The following GTF3C2 variants were observed in gnomAD, a reference collection of about 807,000 sequenced individuals.
The protein encoded by GTF3C2 is general transcription factor 3C polypeptide 2.
In GTF3C2, 17 loss-of-function variants were observed where a neutral mutation model predicts 117.4. The observed-to-expected ratio is 0.14, with a 90% CI of 0.10 to 0.22. The LOEUF (loss-of-function observed/expected upper bound fraction) is 0.22, where lower values mean the gene tolerates loss of function less well. Ranked by LOEUF, GTF3C2 falls within the 10% of genes least tolerant of loss-of-function variation. The pLI, the probability that GTF3C2 is intolerant of heterozygous loss-of-function variation, is 1.00. For synonymous variants in GTF3C2, 437 were observed against 427.0 expected, an observed-to-expected ratio of 1.02 and a Z score of -0.29; for missense variants, 888 against 1,143.6, an observed-to-expected ratio of 0.78 and a Z score of 3.22.
intron 3 of GTF3C2, 132 bp downstream of exon 3, chr2:27,342,694 G>A (rs2148307750): frequency 1.5e-6 from 1 of 681,052 alleles, no homozygotes; most frequent in Non-Finnish European, 2.6e-6. Context: ...CTAAAGGACT[G>A]CTCAAGTCCC....
chr2:27,345,011 C>T (rs567804673), intron 1 of GTF3C2, among the ~76,000 whole-genome samples: 2 of 149,636 alleles, frequency 1.3e-5, no homozygotes, highest in South Asian at 2.1e-4. Context: ...TGGCCAGGCA[C>T]GATAGCTCAT....
intron 3 of GTF3C2, 97 bp downstream of exon 3, chr2:27,342,729 T>A: frequency 1.1e-6 from 1 of 887,164 alleles, no homozygotes; most frequent in South Asian, 1.6e-5. Flanking sequence ...CACCCCTGCT[T>A]ACCTAATACC....
At chr2:27,347,564 C>T (rs1364189670) in intron 1 of GTF3C2, among the ~76,000 whole-genome samples, 1 of 152,122 alleles carries the variant, frequency 6.6e-6, no homozygotes, top group African/African-American at 2.4e-5. Context: ...CCAAAAGGAC[C>T]TATGCATATA....
intron 15 of GTF3C2, 42 bp downstream of exon 15, chr2:27,328,802 T>C (rs746603861): frequency 3.5e-6 from 5 of 1,430,552 alleles, no homozygotes; most frequent in Non-Finnish European, 4.9e-6. Flanking sequence ...AAATGAGCCA[T>C]TTTCCTTTGT....
chr2:27,333,647 T>C lies in GTF3C2; in HGVS notation c.1732+8A>G. On this transcript the variant is annotated splice_region_variant and intron_variant, in intron 12 of 18. Transcript: ENST00000264720. Reference sequence around the variant, plus strand: ...ATAGTTCCTTATGTTTTATTTTGGTTTTTTTACCATTATAATATCCAGCAG... The same window carrying C: ...ATAGTTCCTTATGTTTTATTTTGGTCTTTTTACCATTATAATATCCAGCAG... The C allele has an allele frequency of 6.3e-7, 1 of 1,593,724 alleles. No homozygotes were observed. The highest frequency in any genetic ancestry group is 2.2e-5 in the East Asian group (1 of 44,816).
chr2:27,327,089 G>A (rs1252048907), intron 18 of GTF3C2, 88 bp downstream of exon 18: 3 of 756,454 alleles, frequency 4.0e-6, no homozygotes, highest in African/African-American at 1.7e-5. Context: ...GTTGTCATCT[G>A]TGTAACCTTT....
chr2:27,326,924 T>G, intron 18 of GTF3C2, 31 bp from the exon 19 acceptor site: 2 of 1,403,998 alleles, frequency 1.4e-6, no homozygotes, highest in Non-Finnish European at 2.0e-6. Flanking sequence ...AAGAGAGAGA[T>G]GCTCATGGGT....
intron 4 of GTF3C2, chr2:27,341,652 G>C (rs1421042972): frequency 5.5e-6 from 2 of 365,306 alleles, no homozygotes; most frequent in Non-Finnish European, 1.0e-5. Context: ...TCACTCCTGG[G>C]GTAGTGCTGA....
intron 4 of GTF3C2, among the ~76,000 whole-genome samples, chr2:27,341,104 C>A (rs2148301719): frequency 6.6e-6 from 1 of 152,214 alleles, no homozygotes; most frequent in Middle Eastern, 3.4e-3. Flanking sequence ...GGCATGATCT[C>A]AGCTCACTGC....
intron 8 of GTF3C2, 53 bp downstream of exon 8, chr2:27,336,145 C>T: frequency 6.8e-7 from 1 of 1,463,530 alleles, no homozygotes; most frequent in Non-Finnish European, 9.6e-7. Flanking sequence ...TGTCCAGACC[C>T]CATCCTGCTG....
intron 4 of GTF3C2, among the ~76,000 whole-genome samples, chr2:27,339,313 G>A (rs191518676): frequency 1.7e-3 from 252 of 151,442 alleles, no homozygotes; most frequent in African/African-American, 5.7e-3. Flanking sequence ...AGGCTGAGGC[G>A]GGAGCATTGC....
chr2:27,350,392 G>GA, intron 1 of GTF3C2: 1 of 984,712 alleles, frequency 1.0e-6, no homozygotes. Context: ...CACTCAAGCT[G>GA]AAAAACACTT....
In GTF3C2 at chr2:27,337,912, TC is replaced by T. The variant is rs768065432; in HGVS notation, c.950+13del. 6.7e-6 allele frequency: 10 copies of T among 1,496,044 alleles called. No homozygotes were observed. Among genetic ancestry groups the T allele is most frequent in the Non-Finnish European group, 9.3e-6 (10 of 1,072,274 alleles). 92.7% of individuals were successfully genotyped at this position (1,496,044 alleles called of 1,614,324 possible). A position where few individuals can be genotyped will look rare whatever the true frequency, so the allele number is the denominator to read the frequency against. On this transcript the variant is annotated intron_variant, in intron 5 of 18. Coordinates refer to ENST00000264720, the Ensembl canonical transcript of GTF3C2. The stretch of plus-strand genomic sequence containing the variant: ...CCCCTTTATTAACCCCAGCCCCCTG[TC>T]CCCAAGTCTCACAAGTCCTTGGTGA...
In GTF3C2 at chr2:27,329,650, G is replaced by T. The variant is rs1680210904; in HGVS notation, c.1733-127C>A. Reference sequence around the variant, plus strand: ...ATCCAAACCACTATGAAAGGATGTGGGGATCCTGATTAGCTATCCAACACT... The same window carrying T: ...ATCCAAACCACTATGAAAGGATGTGTGGATCCTGATTAGCTATCCAACACT... On this transcript the variant is annotated intron_variant, in intron 12 of 18. Transcript: ENST00000264720. The surrounding 1 kb of genome is among the most constrained non-coding windows in gnomAD (Gnocchi z 4.5). 1 of 848,194 alleles carries T rather than the reference G, an allele frequency of 1.2e-6. No homozygotes were observed. The allele number at this position is 848,194 out of a possible 1,614,324, so 52.5% of individuals were successfully genotyped here.
At chr2:27,336,556 T>G in intron 7 of GTF3C2, 131 bp from the exon 8 acceptor site, 4 of 617,300 alleles carry the variant, frequency 6.5e-6, no homozygotes, top group Non-Finnish European at 1.2e-5. Context: ...AGTTTACAAG[T>G]GAGAACAGAG....
chr2:27,326,174 T>C, exon 19 of GTF3C2: 1 of 470,810 alleles, frequency 2.1e-6, no homozygotes, highest in Non-Finnish European at 4.4e-6. Context: ...GCAACTTCAG[T>C]CTCACGAATT....
intron 4 of GTF3C2, chr2:27,340,818 G>A (rs1680702771): frequency 6.6e-6 from 1 of 150,730 alleles, no homozygotes; most frequent in Admixed American, 6.6e-5. Context: ...AGTAGAGACG[G>A]TGTTTCACTA....
rs141795464 is a variant in GTF3C2, at chr2:27,343,280, T to C, written c.247+28A>G. On this transcript the variant is annotated intron_variant, in intron 2 of 18. Transcript: ENST00000264720. ...TTCATCTTAAGCTTGGCATGGGGAA[T>C]AAAAAGATAAGAGGACAAGGTACAT... 503 of 1,603,180 alleles carry C rather than the reference T, an allele frequency of 3.1e-4. No homozygotes were observed. The African/African-American group carries it at 5.8e-3, about 19-fold the overall frequency.
intron 4 of GTF3C2, chr2:27,339,440 C>G (rs1680636945): frequency 6.7e-6 from 1 of 148,228 alleles, no homozygotes; most frequent in Non-Finnish European, 1.5e-5. Flanking sequence ...AAAAAAAAAT[C>G]AGTAAAGATC....
Sources: allele counts gnomAD v4.1 joint callset (sites outside exome capture counted in the v4.1 genomes callset), GRCh38; gene constraint gnomAD v4.1.1; non-coding constraint Gnocchi (gnomAD v3.1); transcripts MANE v1.5; gene names NCBI Gene and HGNC (gene_info 2026-07-23, HGNC 2026-07-21).